The following CDC14A variants were observed in gnomAD, a reference collection of about 807,000 sequenced individuals.
CDC14A encodes the protein cell division cycle 14A.
In CDC14A, 53 loss-of-function variants were observed where a neutral mutation model predicts 74.4. That is an observed-to-expected ratio of 0.71 (90% CI 0.57 to 0.89). CDC14A has a LOEUF of 0.89. Ranked by LOEUF, CDC14A falls within the 40% of genes least tolerant of loss-of-function variation. CDC14A has a pLI of 0.00. For synonymous variants in CDC14A, 247 were observed against 258.4 expected (o/e 0.96, Z 0.43); for missense variants, 646 against 713.7 (o/e 0.91, Z 1.08).
At chr1:100,470,699 T>A (rs914797911) in intron 10 of CDC14A, among the ~76,000 whole-genome samples, 1 of 152,152 alleles carries the variant, frequency 6.6e-6, no homozygotes, top group Non-Finnish European at 1.5e-5. Context: ...TATGAAAAGA[T>A]GTCCAACATC....
intron 6 of CDC14A, among the ~76,000 whole-genome samples, chr1:100,440,565 A>T (rs922455777): frequency 6.6e-6 from 1 of 152,196 alleles, no homozygotes; most frequent in African/African-American, 2.4e-5. Context: ...ATAAATTCAC[A>T]ATCTGAGAAG....
intron 11 of CDC14A, among the ~76,000 whole-genome samples, chr1:100,486,693 T>C (rs982886657): frequency 2.6e-5 from 4 of 152,222 alleles, no homozygotes; most frequent in Non-Finnish European, 5.9e-5. Flanking sequence ...ATTCAGACCA[T>C]AGCATCCCCC....
upstream of CDC14A, among the ~76,000 whole-genome samples, chr1:100,349,577 A>G (rs529901873): frequency 7.0e-4 from 106 of 152,206 alleles, no homozygotes; most frequent in Non-Finnish European, 1.3e-3. Context: ...TTTTTCTTGT[A>G]GAATTTTCTA....
chr1:100,499,422 A>T, intron 15 of CDC14A, 160 bp downstream of exon 15: 1 of 1,530,266 alleles, frequency 6.5e-7, no homozygotes, highest in Non-Finnish European at 8.8e-7. Flanking sequence ...TATGCACTAC[A>T]TTCTGCTAGC....
chr1:100,467,399 A>ACACG (rs1667943151), intron 9 of CDC14A, among the ~76,000 whole-genome samples: 1 of 151,416 alleles, frequency 6.6e-6, no homozygotes, highest in South Asian at 2.1e-4. Context: ...TTTGTTTTAC[A>ACACG]CACGCGCGCA....
At chr1:100,455,825 T>G (rs1666627136) in intron 8 of CDC14A, among the ~76,000 whole-genome samples, 1 of 152,238 alleles carries the variant, frequency 6.6e-6, no homozygotes, top group Non-Finnish European at 1.5e-5. Flanking sequence ...CTCAGATTTA[T>G]TTGTTGGTAG....
chr1:100,426,596 T>A (rs1244989635), intron 5 of CDC14A, among the ~76,000 whole-genome samples: 1 of 152,200 alleles, frequency 6.6e-6, no homozygotes, highest in Non-Finnish European at 1.5e-5. Flanking sequence ...TTAACATAGT[T>A]CAGAAATTTA....
At chr1:100,510,695 G>T (rs1187855181) in intron 15 of CDC14A, among the ~76,000 whole-genome samples, 1 of 152,158 alleles carries the variant, frequency 6.6e-6, no homozygotes, top group African/African-American at 2.4e-5. Flanking sequence ...ACCATCTGTT[G>T]TATCTGTTCC....
upstream of CDC14A, among the ~76,000 whole-genome samples, chr1:100,352,055 GAA>G: frequency 1.2e-5 from 1 of 83,552 alleles, no homozygotes; most frequent in Non-Finnish European, 3.4e-5. Context: ...GAGTGGGCGA[GAA>G]AGAAAGAGAA....
rs1405350541 is a variant in CDC14A, at chr1:100,462,689, T to G, written c.646T>G (p.Phe216Val). ...CGCCCCTGAAGCCTACTTTCCTTAT[T>G]TCAAAAAGCATAATGTGACTGCAGT... ...LHAPEAYFPY[F>V]KKHNVTAVVR... The change falls in exon 9 of 16, where the codon TTC becomes GTC. Residue 216 changes from phenylalanine to valine, a missense_variant. Physicochemically the swap from Phe to Val is conservative, Grantham distance 50. Transcript: ENST00000336454. 1 of 1,614,122 alleles carries G rather than the reference T, an allele frequency of 6.2e-7. No homozygotes were observed. Among genetic ancestry groups the G allele is most frequent in the Non-Finnish European group, 8.5e-7 (1 of 1,179,998 alleles).
intron 15 of CDC14A, among the ~76,000 whole-genome samples, chr1:100,516,731 A>G (rs943207597): frequency 6.6e-5 from 10 of 152,130 alleles, no homozygotes; most frequent in Non-Finnish European, 1.3e-4. Context: ...TGGAATGTAT[A>G]TGGGCTTCAA....
intron 4 of CDC14A, chr1:100,393,465 A>C (rs1669043825): frequency 1.3e-6 from 1 of 774,268 alleles, no homozygotes; most frequent in Admixed American, 1.7e-5. Context: ...CATACTGAGC[A>C]ATTCAGTTGG....
chr1:100,453,111 C>T (rs1025128309), intron 7 of CDC14A, among the ~76,000 whole-genome samples: 1 of 152,196 alleles, frequency 6.6e-6, no homozygotes, highest in South Asian at 2.1e-4. Context: ...TCAGCCTTAT[C>T]CTGGCTGCTG....
At chr1:100,366,587 G>T (rs1392229303) in intron 2 of CDC14A, among the ~76,000 whole-genome samples, 1 of 152,110 alleles carries the variant, frequency 6.6e-6, no homozygotes, top group Non-Finnish European at 1.5e-5. Context: ...AAATTTGTAG[G>T]ACCTGCACCT....
chr1:100,497,093 G>T (rs942286199), intron 13 of CDC14A, among the ~76,000 whole-genome samples: 17 of 152,282 alleles, frequency 1.1e-4, no homozygotes, highest in African/African-American at 3.8e-4. Flanking sequence ...ATCAGATGAC[G>T]CAATATGGTA....
At chr1:100,384,151 A>G (rs1036430850) in intron 3 of CDC14A, among the ~76,000 whole-genome samples, 1 of 152,162 alleles carries the variant, frequency 6.6e-6, no homozygotes, top group Admixed American at 6.5e-5. Flanking sequence ...TTTCTTTCCA[A>G]GATAGAAAAT....
At chr1:100,446,171 A>G (rs952965356) in intron 7 of CDC14A, among the ~76,000 whole-genome samples, 7 of 152,206 alleles carry the variant, frequency 4.6e-5, no homozygotes, top group Non-Finnish European at 1.0e-4. Context: ...GTTGACAGCA[A>G]TTTGTGAGAC....
chr1:100,418,834 T>C (rs1661872899), intron 4 of CDC14A, among the ~76,000 whole-genome samples: 1 of 152,178 alleles, frequency 6.6e-6, no homozygotes, highest in Admixed American at 6.5e-5. Flanking sequence ...CCTCCGTCTT[T>C]GCTCCCCAAA....
At chr1:100,435,144 A>G (rs1431784934) in intron 5 of CDC14A, among the ~76,000 whole-genome samples, 2 of 152,198 alleles carry the variant, frequency 1.3e-5, no homozygotes, top group Non-Finnish European at 2.9e-5. Flanking sequence ...TGGAGTGAGA[A>G]GAATTTTGGT....
Sources: gnomAD v4.1 joint callset for allele counts (sites outside exome capture counted in the v4.1 genomes callset) on GRCh38, gnomAD v4.1.1 for gene constraint, MANE v1.5 for transcripts, NCBI Gene and HGNC (gene_info 2026-07-23, HGNC 2026-07-21) for gene names.